Variants in DNAJC18 observed in about 807,000 individuals in gnomAD.
DNAJC18 encodes dnaJ homolog subfamily C member 18.
In DNAJC18, 40 loss-of-function variants were observed where a neutral mutation model predicts 48.6. The ratio of observed to expected loss-of-function variants is 0.82; its 90% CI spans 0.64 to 1.07. The LOEUF (loss-of-function observed/expected upper bound fraction) is 1.07, where lower values mean the gene tolerates loss of function less well. DNAJC18 is among the 50% of genes least tolerant of loss of function. DNAJC18 has a pLI of 0.00. For missense variants in DNAJC18, 340 were observed against 427.7 expected (o/e 0.79, Z 1.81); for synonymous variants, 135 against 152.2 (o/e 0.89, Z 0.83).
chr5:139,419,578 A>G (rs921122711), intron 7 of DNAJC18, among the ~76,000 whole-genome samples: 1 of 152,232 alleles, frequency 6.6e-6, no homozygotes, highest in African/African-American at 2.4e-5. Context: ...GAATTGGGAA[A>G]CTGTGGACCA....
rs1759018437 is a variant in DNAJC18, at chr5:139,413,163, A to C, written c.*985T>G. ...TGTTGAATGAATGAAAAATCATCTC[A>C]AATCACAAACTATAGGATACTGGGT... On this transcript the variant is annotated 3_prime_UTR_variant, in exon 8 of 8. Transcript: ENST00000302060. The C allele has an allele frequency of 2.9e-6, 1 of 340,934 alleles. No individual in the cohort carries two copies. Among genetic ancestry groups the C allele is most frequent in the Non-Finnish European group, 5.3e-6 (1 of 190,134 alleles). 21.1% of individuals were successfully genotyped at this position (340,934 alleles called of 1,614,324 possible). A position where few individuals can be genotyped will look rare whatever the true frequency, so the allele number is the denominator to read the frequency against.
chr5:139,433,894 T>C (rs1759369092), intron 2 of DNAJC18, among the ~76,000 whole-genome samples: 2 of 152,212 alleles, frequency 1.3e-5, no homozygotes, highest in South Asian at 4.1e-4. Flanking sequence ...ATGGTGATGA[T>C]GATGATTATT....
At chr5:139,438,510 A>T (rs1161094093) in intron 1 of DNAJC18, among the ~76,000 whole-genome samples, 1 of 152,174 alleles carries the variant, frequency 6.6e-6, no homozygotes, top group Non-Finnish European at 1.5e-5. Context: ...CAATAACAAC[A>T]CCTGCAGAAT....
Position 139,425,082 on chromosome 5 carries a change from C to T in DNAJC18, c.592G>A (p.Asp198Asn). 6.2e-7 allele frequency: 1 copy of T among 1,612,880 alleles called. No individual in the cohort carries two copies. Among genetic ancestry groups the T allele is most frequent in the Non-Finnish European group, 8.5e-7 (1 of 1,179,098 alleles). The change falls in exon 5 of 8, where the codon GAC becomes AAC. Residue 198 changes from aspartate to asparagine, a missense_variant. Coordinates refer to ENST00000302060, the MANE Select transcript of DNAJC18 (RefSeq NM_152686.4). ...TGCCGTCGACGGTAATAGTAAGTGT[C>T]ATCTGTCACATTTGAAAACATATGA... ...NIHMFSNVTD[D>N]TYYYRRRHRH...
At chr5:139,432,413 T>C (rs113651948) in intron 2 of DNAJC18, among the ~76,000 whole-genome samples, 3,657 of 152,228 alleles carry the variant, frequency 0.024, 73 homozygotes, top group Middle Eastern at 0.061. Context: ...TCCACCTGCC[T>C]TGGCCTCCCA....
intron 2 of DNAJC18, among the ~76,000 whole-genome samples, chr5:139,429,539 TG>T (rs2073368786): frequency 6.6e-6 from 1 of 152,182 alleles, no homozygotes; most frequent in Admixed American, 6.5e-5. Context: ...GTGGATCCTA[TG>T]TACAGAGAGT....
chr5:139,426,732 A>G (rs1370872491), intron 3 of DNAJC18, among the ~76,000 whole-genome samples: 2 of 152,118 alleles, frequency 1.3e-5, no homozygotes, highest in Admixed American at 1.3e-4. Flanking sequence ...TCTCATTCAT[A>G]AAAAATGTGT....
chr5:139,428,486 A>C (rs2152084304), intron 3 of DNAJC18, 52 bp downstream of exon 3: 1 of 1,578,416 alleles, frequency 6.3e-7, no homozygotes, highest in East Asian at 2.3e-5. Flanking sequence ...AAAGCAACTT[A>C]TTATGACCAA....
At chr5:139,414,335 T>C (rs1357107579) in intron 7 of DNAJC18, 63 bp from the exon 8 acceptor site, 2 of 1,542,118 alleles carry the variant, frequency 1.3e-6, no homozygotes, top group East Asian at 2.3e-5. Flanking sequence ...ATTTCAATGT[T>C]TCTGGAGTCA....
At chr5:139,416,907 G>A (rs1759076598) in intron 7 of DNAJC18, among the ~76,000 whole-genome samples, 1 of 152,236 alleles carries the variant, frequency 6.6e-6, no homozygotes, top group Admixed American at 6.5e-5. Context: ...TGCCCAGATT[G>A]GCCGGGTGTG....
chr5:139,422,466 G>A (rs992655676), intron 6 of DNAJC18, among the ~76,000 whole-genome samples: 2 of 152,168 alleles, frequency 1.3e-5, no homozygotes, highest in African/African-American at 4.8e-5. Context: ...AGTTACTGCT[G>A]TTCTGCAGCT....
chr5:139,428,639 C>T lies in DNAJC18; in HGVS notation c.272G>A (p.Arg91Gln), dbSNP rs1262004720. The stretch of plus-strand genomic sequence containing the variant: ...CTTAAGCTCTTCGTCACTAGCATCT[C>T]GAGAAACTCCCAGAATTTCATAGTA... ...RNYYEILGVS[R>Q]DASDEELKKA... is the part of the protein sequence containing the mutation. The change falls in exon 3 of 8, where the codon CGA (arginine) becomes CAA (glutamine). Residue 91 changes from arginine (R) to glutamine (Q), a missense_variant. Arg to Gln is a conservative substitution (Grantham distance 43). Transcript: ENST00000302060. 8.1e-6 allele frequency: 13 copies of T among 1,611,986 alleles called. 1 individual carries two copies. The highest frequency in any genetic ancestry group is 3.3e-4 in the Middle Eastern group (2 of 6,070).
At chr5:139,424,964 C>T (rs373867071) in intron 5 of DNAJC18, 41 bp downstream of exon 5, 4 of 1,565,932 alleles carry the variant, frequency 2.6e-6, no homozygotes, top group Admixed American at 1.7e-5. Context: ...TGGCCAAGTA[C>T]AACTGTTTAT....
chr5:139,412,192 C>A lies in DNAJC18; in HGVS notation c.*1956G>T, dbSNP rs987414256. The A allele has an allele frequency of 8.5e-5, 13 of 152,318 alleles. No homozygotes were observed. The highest frequency in any genetic ancestry group is 3.1e-4 in the African/African-American group (13 of 41,550). The allele number at this position is 152,318 out of a possible 1,614,324, so 9.4% of individuals were successfully genotyped here. A position where few individuals can be genotyped will look rare whatever the true frequency, so the allele number is the denominator to read the frequency against. On this transcript the variant is annotated 3_prime_UTR_variant, in exon 8 of 8. Transcript: ENST00000302060. The stretch of plus-strand genomic sequence containing the variant: ...AGAGGCATGGTAGGGAACAACCGTT[C>A]AGATGTTGATGAGCCATGCTAGGCA...
At chr5:139,430,761 G>A (rs1284448958) in intron 2 of DNAJC18, among the ~76,000 whole-genome samples, 7 of 151,976 alleles carry the variant, frequency 4.6e-5, no homozygotes, top group Non-Finnish European at 1.0e-4. Context: ...AGTAGAGACA[G>A]GGTTTCACTG....
intron 3 of DNAJC18, 126 bp from the exon 4 acceptor site, chr5:139,426,483 G>A: frequency 3.5e-6 from 4 of 1,140,034 alleles, no homozygotes; most frequent in Non-Finnish European, 4.9e-6. Flanking sequence ...CCCAAGAAGA[G>A]ATGCTTGGGC....
At chr5:139,437,241 G>A (rs1750683174) in intron 2 of DNAJC18, 131 bp downstream of exon 2, 1 of 1,164,120 alleles carries the variant, frequency 8.6e-7, no homozygotes, top group Non-Finnish European at 1.2e-6. Flanking sequence ...TCCCTCTGAG[G>A]TCAAGAAGCT....
chr5:139,428,465 G>A (rs1759276608), intron 3 of DNAJC18, 73 bp downstream of exon 3: 2 of 1,546,810 alleles, frequency 1.3e-6, no homozygotes, highest in Non-Finnish European at 1.7e-6. Context: ...AAACAACTAT[G>A]GGGAAGGCTA....
chr5:139,435,461 CTT>C (rs1193494203), intron 2 of DNAJC18, among the ~76,000 whole-genome samples: 1 of 152,022 alleles, frequency 6.6e-6, no homozygotes, highest in Non-Finnish European at 1.5e-5. Context: ...CATTGATTGA[CTT>C]GTGTGTGTTA....
Sources: allele counts gnomAD v4.1 joint callset (sites outside exome capture counted in the v4.1 genomes callset), GRCh38; gene constraint gnomAD v4.1.1; transcripts MANE v1.5; gene names NCBI Gene and HGNC (gene_info 2026-07-23, HGNC 2026-07-21).